Variants in NDST4 observed in about 807,000 individuals in gnomAD.
The protein encoded by NDST4 is N-heparan sulfate sulfotransferase 4.
A neutral mutation model predicts 100.8 loss-of-function variants in NDST4; 63 were observed. That is an observed-to-expected ratio of 0.62 (90% CI 0.51 to 0.77). The LOEUF is 0.77. Among genes scored for constraint, NDST4 ranks in the 30% least tolerant of loss-of-function variants. NDST4 has a pLI of 0.00. For synonymous variants in NDST4, 377 were observed against 361.8 expected, an observed-to-expected ratio of 1.04 and a Z score of -0.48; for missense variants, 943 against 1,018.4, an observed-to-expected ratio of 0.93 and a Z score of 1.01.
intron 4 of NDST4, among the ~76,000 whole-genome samples, chr4:114,945,701 C>T (rs929289435): frequency 1.2e-4 from 19 of 152,240 alleles, no homozygotes; most frequent in Non-Finnish European, 2.5e-4. Context: ...GTGACACTGG[C>T]GCTACAGAGA....
intron 6 of NDST4, among the ~76,000 whole-genome samples, chr4:114,894,931 T>C (rs1578371720): frequency 6.6e-6 from 1 of 152,290 alleles, no homozygotes; most frequent in East Asian, 1.9e-4. Context: ...ACCTAGTTTA[T>C]TGAGAGTTTT....
intron 2 of NDST4, among the ~76,000 whole-genome samples, chr4:114,995,353 G>A (rs1054174786): frequency 3.3e-5 from 5 of 151,986 alleles, no homozygotes; most frequent in African/African-American, 1.2e-4. Context: ...TCATAATCAT[G>A]TATACTATTG....
intron 2 of NDST4, among the ~76,000 whole-genome samples, chr4:115,029,491 G>T (rs1216578436): frequency 6.6e-6 from 1 of 152,130 alleles, no homozygotes; most frequent in East Asian, 1.9e-4. Flanking sequence ...AGGTAGCTCT[G>T]ATGAGACTGG....
chr4:114,929,355 G>C (rs1186997794), intron 6 of NDST4, among the ~76,000 whole-genome samples: 1 of 151,994 alleles, frequency 6.6e-6, no homozygotes, highest in Non-Finnish European at 1.5e-5. Context: ...TCCTTGTTTT[G>C]AGCAACATTG....
At chr4:114,964,504 T>A (rs1726337422) in intron 4 of NDST4, among the ~76,000 whole-genome samples, 1 of 152,248 alleles carries the variant, frequency 6.6e-6, no homozygotes, top group African/African-American at 2.4e-5. Context: ...ATTACTGAAG[T>A]AATTTACATA....
chr4:115,097,807 T>C (rs1729650891), intron 1 of NDST4, among the ~76,000 whole-genome samples: 1 of 152,140 alleles, frequency 6.6e-6, no homozygotes, highest in Admixed American at 6.6e-5. Context: ...CTACCAAGTA[T>C]TCTACTACAT....
intron 1 of NDST4, among the ~76,000 whole-genome samples, chr4:115,095,446 G>A (rs1161295300): frequency 6.6e-6 from 1 of 152,062 alleles, no homozygotes; most frequent in Non-Finnish European, 1.5e-5. Flanking sequence ...AGAGCTCTCT[G>A]GTATATGTTT....
chr4:114,835,092 G>GT (rs1339813001), intron 11 of NDST4, among the ~76,000 whole-genome samples: 1 of 152,008 alleles, frequency 6.6e-6, no homozygotes, highest in Non-Finnish European at 1.5e-5. Context: ...TTTTTGAAAG[G>GT]TTTTTCATGT....
chr4:114,984,586 A>C (rs1726857566), intron 2 of NDST4, among the ~76,000 whole-genome samples: 1 of 152,148 alleles, frequency 6.6e-6, no homozygotes, highest in Non-Finnish European at 1.5e-5. Context: ...ATTTATCCTA[A>C]GTAGATTATG....
intron 4 of NDST4, among the ~76,000 whole-genome samples, chr4:114,964,175 C>T (rs984363945): frequency 6.6e-6 from 1 of 152,178 alleles, no homozygotes; most frequent in African/African-American, 2.4e-5. Flanking sequence ...GCAAGGAACA[C>T]AGGGCAGACC....
intron 1 of NDST4, among the ~76,000 whole-genome samples, chr4:115,100,644 G>A (rs550529924): frequency 1.6e-4 from 25 of 152,042 alleles, no homozygotes; most frequent in Non-Finnish European, 3.2e-4. Flanking sequence ...TGTTCTTCAC[G>A]TATATTTCCT....
At chr4:114,877,121 C>T (rs1229847101) in intron 6 of NDST4, among the ~76,000 whole-genome samples, 2 of 152,122 alleles carry the variant, frequency 1.3e-5, no homozygotes, top group Non-Finnish European at 2.9e-5. Context: ...CATAGGAATT[C>T]AGAATCAATA....
intron 6 of NDST4, among the ~76,000 whole-genome samples, chr4:114,887,082 A>G (rs1215410922): frequency 6.6e-6 from 1 of 152,212 alleles, no homozygotes. Context: ...GAAAACAACA[A>G]TGCAGCAACA....
At chr4:115,088,825 T>C (rs1326172518) in intron 1 of NDST4, among the ~76,000 whole-genome samples, 2 of 152,086 alleles carry the variant, frequency 1.3e-5, no homozygotes, top group Non-Finnish European at 2.9e-5. Context: ...TCAGTTCTTA[T>C]TCATTTTTAG....
At chr4:114,935,180 G>T (rs1400822552) in intron 6 of NDST4, 26 bp downstream of exon 6, 2 of 1,469,204 alleles carry the variant, frequency 1.4e-6, no homozygotes, top group East Asian at 2.5e-5. Flanking sequence ...TAATCTTATT[G>T]TAAGGTGCAT....
At position 115,072,266 on chromosome 4, in the gene NDST4, G is replaced by A. The variant is rs112408996; in HGVS notation, c.978+3793C>T. On this transcript the variant is annotated intron_variant, in intron 2 of 13. Coordinates refer to ENST00000264363, the MANE Select transcript of NDST4 (RefSeq NM_022569.3). ...AGTAGAAAAATTAATATTGTTGAAT[G>A]TCTATGATATCCAAAATGATCTGCA... Among the ~76,000 whole-genome samples the A allele has an allele frequency of 4.6e-3, 704 of 152,136 alleles. 7 individuals are homozygous for A. The highest frequency in any genetic ancestry group is 0.015 in the African/African-American group (639 of 41,530).
chr4:115,029,438 A>T (rs1728067777), intron 2 of NDST4, among the ~76,000 whole-genome samples: 2 of 152,128 alleles, frequency 1.3e-5, no homozygotes, highest in African/African-American at 4.8e-5. Flanking sequence ...TTGCTGACTA[A>T]GTAAGTCTAG....
intron 2 of NDST4, among the ~76,000 whole-genome samples, chr4:115,026,710 A>G (rs1727994250): frequency 6.7e-6 from 1 of 150,106 alleles, no homozygotes; most frequent in Non-Finnish European, 1.5e-5. Flanking sequence ...GCTGGGGGGA[A>G]TTGACTGAGA....
chr4:114,843,774 G>A (rs902144910), intron 10 of NDST4, among the ~76,000 whole-genome samples: 3 of 151,910 alleles, frequency 2.0e-5, no homozygotes, highest in African/African-American at 7.3e-5. Context: ...GTCTTTCTTG[G>A]CGCCTCATCC....
Sources: allele counts gnomAD v4.1 joint callset (sites outside exome capture counted in the v4.1 genomes callset), GRCh38; gene constraint gnomAD v4.1.1; transcripts MANE v1.5; gene names NCBI Gene and HGNC (gene_info 2026-07-23, HGNC 2026-07-21).